RAPGEF6: variants seen among roughly 807,000 people sequenced by gnomAD.
RAPGEF6 encodes the protein PDZ domain containing guanine nucleotide exchange factor (GEF) 2.
RAPGEF6 carries 56 observed loss-of-function variants against 171.4 expected under a neutral mutation model. The observed-to-expected ratio is 0.33, with a 90% confidence interval of 0.26 to 0.41. RAPGEF6 has a LOEUF of 0.41. RAPGEF6 is among the 10% of genes least tolerant of loss of function. RAPGEF6 has a pLI of 1.00. For missense variants in RAPGEF6, 1,674 were observed against 1,921.4 expected, an observed-to-expected ratio of 0.87 and a Z score of 2.41; for synonymous variants, 692 against 650.1, an observed-to-expected ratio of 1.06 and a Z score of -0.98.
At chr5:131,594,726 CT>C (rs1763792317) in intron 3 of RAPGEF6, among the ~76,000 whole-genome samples, 1 of 152,210 alleles carries the variant, frequency 6.6e-6, no homozygotes, top group Non-Finnish European at 1.5e-5. Context: ...CACCACTTGC[CT>C]CAGGGTGCCC....
intron 1 of RAPGEF6, among the ~76,000 whole-genome samples, chr5:131,614,927 A>G (rs1436790456): frequency 2.0e-5 from 3 of 152,196 alleles, no homozygotes; most frequent in African/African-American, 7.2e-5. Flanking sequence ...GTTCTGTTGC[A>G]TGTAAGTAAT....
chr5:131,628,942 G>C (rs1561621580), intron 1 of RAPGEF6, among the ~76,000 whole-genome samples: 1 of 152,178 alleles, frequency 6.6e-6, no homozygotes, highest in Non-Finnish European at 1.5e-5. Flanking sequence ...CACTGACAAT[G>C]CATCTTGTCA....
chr5:131,526,429 ACAT>A (rs1168202083), intron 6 of RAPGEF6, among the ~76,000 whole-genome samples: 1 of 152,214 alleles, frequency 6.6e-6, no homozygotes, highest in Non-Finnish European at 1.5e-5. Flanking sequence ...TCCCAGGGTC[ACAT>A]GGCTAGGAAA....
chr5:131,476,033 TA>T (rs1755067132), intron 16 of RAPGEF6, among the ~76,000 whole-genome samples: 1 of 152,136 alleles, frequency 6.6e-6, no homozygotes, highest in African/African-American at 2.4e-5. Context: ...ACTTGTAAAA[TA>T]CAGAAAGAAA....
intron 4 of RAPGEF6, among the ~76,000 whole-genome samples, chr5:131,578,715 C>G (rs1396099977): frequency 1.3e-5 from 2 of 152,206 alleles, no homozygotes; most frequent in African/African-American, 4.8e-5. Flanking sequence ...TCTCCAGAAC[C>G]CAGTCACGCA....
chr5:131,488,691 G>C (rs576449291), intron 15 of RAPGEF6, among the ~76,000 whole-genome samples: 10 of 152,210 alleles, frequency 6.6e-5, no homozygotes, highest in South Asian at 4.1e-4. Context: ...AAAAGCCAAA[G>C]TGAAAAAAAT....
chr5:131,435,850 C>G (rs1431515533), intron 24 of RAPGEF6: 1 of 1,428,952 alleles, frequency 7.0e-7, no homozygotes, highest in African/African-American at 1.4e-5. Flanking sequence ...TAGTATTTTA[C>G]TAAGTTGTCT....
intron 7 of RAPGEF6, among the ~76,000 whole-genome samples, chr5:131,515,284 T>A (rs1217861213): frequency 1.3e-5 from 2 of 152,228 alleles, no homozygotes; most frequent in Admixed American, 1.3e-4. Context: ...TCTTAGGTCT[T>A]CCTGGTCAGG....
At chr5:131,583,626 G>T (rs1763088551) in intron 4 of RAPGEF6, among the ~76,000 whole-genome samples, 1 of 152,066 alleles carries the variant, frequency 6.6e-6, no homozygotes, top group South Asian at 2.1e-4. Context: ...TGAACTAATT[G>T]TATCCCTTCC....
intron 9 of RAPGEF6, among the ~76,000 whole-genome samples, chr5:131,507,511 A>G (rs1430072024): frequency 2.6e-5 from 4 of 152,222 alleles, no homozygotes; most frequent in African/African-American, 9.6e-5. Context: ...CCTGATGGCA[A>G]TAATACCTTC....
chr5:131,607,805 G>A (rs1258270716), intron 1 of RAPGEF6, among the ~76,000 whole-genome samples: 3 of 152,148 alleles, frequency 2.0e-5, no homozygotes, highest in Non-Finnish European at 2.9e-5. Flanking sequence ...TTGGGGGCAC[G>A]TCAGGACACC....
intron 12 of RAPGEF6, among the ~76,000 whole-genome samples, 169 bp from the exon 13 acceptor site, chr5:131,495,829 T>G (rs999724152): frequency 1.3e-5 from 2 of 152,232 alleles, no homozygotes; most frequent in African/African-American, 4.8e-5. Context: ...TTTGAGCTTT[T>G]GCTTCCCTGT....
chr5:131,605,704 A>G (rs1051432193), intron 1 of RAPGEF6, among the ~76,000 whole-genome samples: 2 of 152,092 alleles, frequency 1.3e-5, no homozygotes, highest in Admixed American at 6.6e-5. Context: ...GTTTTCTAGT[A>G]GGTTAATAAG....
At chr5:131,613,557 A>T (rs1429696426) in intron 1 of RAPGEF6, among the ~76,000 whole-genome samples, 10 of 152,154 alleles carry the variant, frequency 6.6e-5, no homozygotes. Flanking sequence ...TTTTTATCAC[A>T]ACTATTTAGC....
At chr5:131,516,873 T>A (rs752761103) in intron 7 of RAPGEF6, among the ~76,000 whole-genome samples, 7 of 152,196 alleles carry the variant, frequency 4.6e-5, no homozygotes, top group Non-Finnish European at 8.8e-5. Context: ...GTACATGCTA[T>A]ATTTTGAAGT....
rs773326378 is a variant in RAPGEF6, at chr5:131,433,176, TTC to T, written c.3974+252_3974+253del. On this transcript the variant is annotated intron_variant, in intron 25 of 27. Coordinates refer to ENST00000509018, the MANE Select transcript of RAPGEF6 (RefSeq NM_016340.6). The stretch of plus-strand genomic sequence containing the variant: ...ATATAAGTAGCAGATGCACTTTGAG[TTC>T]TGACTGGAAAGATACATAATGATAA... 3.9e-5 allele frequency among the ~76,000 whole-genome samples: 6 copies of T among 152,260 alleles called. No individual in the cohort carries two copies. The South Asian group carries it at 1.0e-3, about 26-fold the overall frequency.
intron 7 of RAPGEF6, among the ~76,000 whole-genome samples, chr5:131,516,529 C>G (rs181861770): frequency 6.6e-6 from 1 of 152,062 alleles, no homozygotes; most frequent in East Asian, 1.9e-4. Flanking sequence ...TTTAAGAACA[C>G]GCTTACTGCC....
At chr5:131,517,813 AC>A (rs1399066355) in intron 7 of RAPGEF6, among the ~76,000 whole-genome samples, 3 of 147,432 alleles carry the variant, frequency 2.0e-5, no homozygotes, top group South Asian at 2.1e-4. Flanking sequence ...ACACACACAC[AC>A]ACACACACAA....
intron 21 of RAPGEF6, 100 bp downstream of exon 21, chr5:131,452,954 A>G: frequency 7.0e-7 from 1 of 1,436,486 alleles, no homozygotes; most frequent in Non-Finnish European, 9.3e-7. Context: ...TTTGTACAGC[A>G]CACATGGTAG....
Sources: allele counts gnomAD v4.1 joint callset (sites outside exome capture counted in the v4.1 genomes callset), GRCh38; gene constraint gnomAD v4.1.1; transcripts MANE v1.5; gene names NCBI Gene and HGNC (gene_info 2026-07-23, HGNC 2026-07-21).